KIAA1671: variants seen among roughly 807,000 people sequenced by gnomAD.
KIAA1671 encodes the protein KIAA1671, also known as uncharacterized protein KIAA1671.
KIAA1671 carries 52 observed loss-of-function variants against 131.2 expected under a neutral mutation model. That is an observed-to-expected ratio of 0.40 (90% CI 0.32 to 0.50). KIAA1671 has a LOEUF of 0.50. Ranked by LOEUF, KIAA1671 falls within the 20% of genes least tolerant of loss-of-function variation. The pLI is 0.73. For synonymous variants in KIAA1671, 1,003 were observed against 961.6 expected, an observed-to-expected ratio of 1.04 and a Z score of -0.80; for missense variants, 2,360 against 2,364.2, an observed-to-expected ratio of 1.00 and a Z score of 0.04.
At chr22:25,114,093 A>G (rs1205907394) in intron 6 of KIAA1671, among the ~76,000 whole-genome samples, 2 of 152,176 alleles carry the variant, frequency 1.3e-5, no homozygotes, top group Non-Finnish European at 2.9e-5. Flanking sequence ...CTGGTTGAAT[A>G]AATGAAGTTG....
At chr22:25,094,507 C>T (rs574959928) in intron 6 of KIAA1671, among the ~76,000 whole-genome samples, 2 of 152,254 alleles carry the variant, frequency 1.3e-5, no homozygotes, top group East Asian at 3.9e-4. Context: ...AGAGTGAGAA[C>T]ACCCCTCAAG....
At chr22:24,991,649 G>A (rs1923847708) in intron 1 of KIAA1671, among the ~76,000 whole-genome samples, 1 of 141,708 alleles carries the variant, frequency 7.1e-6, no homozygotes, top group Non-Finnish European at 1.5e-5. Context: ...TTTTAGTAGA[G>A]ACAGGGTTTT....
At chr22:25,016,266 G>A (rs9612828) in intron 1 of KIAA1671, among the ~76,000 whole-genome samples, 30,140 of 151,970 alleles carry the variant, frequency 0.2, 3,240 homozygotes, top group Middle Eastern at 0.29. Flanking sequence ...TGATCCGCCC[G>A]CCTCGGCCTC....
intron 11 of KIAA1671, among the ~76,000 whole-genome samples, chr22:25,190,403 G>T (rs28624143): frequency 6.6e-6 from 1 of 152,204 alleles, no homozygotes; most frequent in Non-Finnish European, 1.5e-5. Flanking sequence ...TCGCTCACTC[G>T]CCCACCACTC....
chr22:25,041,406 C>T lies in KIAA1671; in HGVS notation c.4276C>T (p.His1426Tyr), dbSNP rs2145808051. Residue 1426 changes from histidine to tyrosine, a missense_variant, in exon 5 of 13, where the codon CAT becomes TAT. Around this residue, in one of 3 missense-constraint regions of KIAA1671, gnomAD observed 1,161 missense variants for 1,204.7 expected, o/e 0.96. Coordinates refer to ENST00000358431, the MANE Select transcript of KIAA1671 (RefSeq NM_001145206.2). ...ANIREGLSIM[H>Y]EARERRREQP... is the part of the protein sequence containing the mutation. ...CATCCGAGAGGGCCTGTCCATCATG[C>T]ATGAAGCCAGAGAGAGGAGGCGAGA... The T allele has an allele frequency of 6.4e-7, 1 of 1,551,788 alleles. No homozygotes were observed. The highest frequency in any genetic ancestry group is 1.7e-4 in the Middle Eastern group (1 of 5,994).
Position 25,194,798 on chromosome 22 carries a change from G to C in KIAA1671, c.*2397G>C, listed in dbSNP as rs1601401709. 1 of 86,504 alleles carries C rather than the reference G, an allele frequency of 1.2e-5. No homozygotes were observed. Among genetic ancestry groups the C allele is most frequent in the Non-Finnish European group, 3.1e-5 (1 of 32,242 alleles). The allele number at this position is 86,504 out of a possible 1,614,324, so 5.4% of individuals were successfully genotyped here. A position where few individuals can be genotyped will look rare whatever the true frequency, so the allele number is the denominator to read the frequency against. ...AAGACAATCACAGTGGGTCAAGAGC[G>C]ACCCTCTTTCACGTGGGCTCTGCCA... is the stretch of plus-strand genomic sequence containing the variant. On this transcript the variant is annotated 3_prime_UTR_variant, in exon 13 of 13. Transcript: ENST00000358431.
At chr22:25,132,817 G>C (rs747269628) in intron 6 of KIAA1671, among the ~76,000 whole-genome samples, 3 of 152,126 alleles carry the variant, frequency 2.0e-5, no homozygotes, top group Non-Finnish European at 4.4e-5. Context: ...CACTTTAGGA[G>C]GCCAAGGCAG....
At chr22:25,119,597 G>A (rs1276602400) in intron 6 of KIAA1671, among the ~76,000 whole-genome samples, 2 of 152,182 alleles carry the variant, frequency 1.3e-5, no homozygotes, top group East Asian at 3.8e-4. Flanking sequence ...AACAAAGAAA[G>A]TACTCTCAGA....
chr22:25,096,875 G>T (rs773614847), intron 6 of KIAA1671, among the ~76,000 whole-genome samples: 10 of 152,216 alleles, frequency 6.6e-5, no homozygotes, highest in Non-Finnish European at 1.2e-4. Flanking sequence ...CGTGCACTCT[G>T]CAGTCTTCTT....
rs370588404 is a variant in KIAA1671, at chr22:24,988,117, AAT to A, written c.-208+35350_-208+35351del. Among the ~76,000 whole-genome samples the A allele has an allele frequency of 9.9e-4, 150 of 152,218 alleles. 1 individual carries two copies. Among genetic ancestry groups the A allele is most frequent in the African/African-American group, 3.6e-3 (149 of 41,566 alleles). Reference sequence around the variant, plus strand: ...ATGGTGAAACCCCGTTTCTACTAAAAATATATTTTAAAAATAGCTGTGTGTTA... The same window carrying A: ...ATGGTGAAACCCCGTTTCTACTAAAAATATTTTAAAAATAGCTGTGTGTTA... On this transcript the variant is annotated intron_variant, in intron 1 of 12. Transcript: ENST00000358431.
intron 6 of KIAA1671, among the ~76,000 whole-genome samples, chr22:25,113,756 A>G (rs1931511944): frequency 6.6e-6 from 1 of 152,192 alleles, no homozygotes; most frequent in South Asian, 2.1e-4. Context: ...CCCAGAACAA[A>G]TTAGTGGGGC....
At chr22:25,177,563 C>T in intron 9 of KIAA1671, 41 bp downstream of exon 9, 1 of 1,510,046 alleles carries the variant, frequency 6.6e-7, no homozygotes. Context: ...GCACATTGAA[C>T]AGCAGGAAGG....
intron 6 of KIAA1671, among the ~76,000 whole-genome samples, chr22:25,166,575 C>T (rs1034998306): frequency 6.6e-6 from 1 of 152,122 alleles, no homozygotes; most frequent in African/African-American, 2.4e-5. Flanking sequence ...ATTTTAAGAA[C>T]CTTTTGCCAA....
At chr22:24,968,801 T>C (rs1470234105) in intron 1 of KIAA1671, among the ~76,000 whole-genome samples, 2 of 152,234 alleles carry the variant, frequency 1.3e-5, no homozygotes, top group East Asian at 1.9e-4. Flanking sequence ...GGGCATGAGA[T>C]GACTCTCTTT....
At chr22:25,045,880 T>C (rs1403371403) in intron 5 of KIAA1671, among the ~76,000 whole-genome samples, 3 of 149,528 alleles carry the variant, frequency 2.0e-5, no homozygotes, top group Non-Finnish European at 3.0e-5. Flanking sequence ...CGTGAGCCAC[T>C]GCACCCGGCC....
chr22:24,978,704 T>C (rs758760549), intron 1 of KIAA1671, among the ~76,000 whole-genome samples: 8 of 151,896 alleles, frequency 5.3e-5, no homozygotes, highest in Non-Finnish European at 1.0e-4. Flanking sequence ...TTGTTTTGTT[T>C]TGAGAGTCTC....
chr22:24,966,323 G>A (rs932449755), intron 1 of KIAA1671, among the ~76,000 whole-genome samples: 7 of 152,218 alleles, frequency 4.6e-5, no homozygotes, highest in Non-Finnish European at 8.8e-5. Context: ...GGGCCTCCCT[G>A]CAGAAGGGGA....
chr22:24,976,554 C>T (rs1266586076), intron 1 of KIAA1671, among the ~76,000 whole-genome samples: 1 of 152,160 alleles, frequency 6.6e-6, no homozygotes, highest in African/African-American at 2.4e-5. Context: ...GGCTCGAACA[C>T]CCACTGGCCA....
intron 5 of KIAA1671, among the ~76,000 whole-genome samples, chr22:25,045,053 C>A (rs946002425): frequency 6.9e-6 from 1 of 144,344 alleles, no homozygotes; most frequent in Non-Finnish European, 1.5e-5. Flanking sequence ...CCCAGCTACT[C>A]CGGAGGCTGA....
Sources: gnomAD v4.1 joint callset for allele counts (sites outside exome capture counted in the v4.1 genomes callset) on GRCh38, gnomAD v4.1.1 for gene constraint, gnomAD v4.1.1 regional missense constraint, MANE v1.5 for transcripts, NCBI Gene and HGNC (gene_info 2026-07-23, HGNC 2026-07-21) for gene names.